CARMIL1: variants seen among roughly 807,000 people sequenced by gnomAD.
CARMIL1 encodes the protein capping protein regulator and myosin 1 linker 1.
CARMIL1 carries 90 observed loss-of-function variants against 177.1 expected under a neutral mutation model. The observed-to-expected ratio is 0.51, with a 90% confidence interval of 0.43 to 0.61. The LOEUF (loss-of-function observed/expected upper bound fraction) is 0.61. Among genes scored for constraint, CARMIL1 ranks in the 20% least tolerant of loss-of-function variants. The pLI is 0.00. For synonymous variants in CARMIL1, 577 were observed against 606.2 expected (o/e 0.95, Z 0.71); for missense variants, 1,380 against 1,667.0 (o/e 0.83, Z 3.00).
intron 2 of CARMIL1, among the ~76,000 whole-genome samples, chr6:25,375,355 G>C (rs947303545): frequency 2.6e-5 from 4 of 152,190 alleles, no homozygotes; most frequent in Non-Finnish European, 5.9e-5. Context: ...GGAGAAGTCT[G>C]CTGTTAGTCT....
intron 2 of CARMIL1, among the ~76,000 whole-genome samples, chr6:25,389,706 G>C (rs1792555485): frequency 6.6e-6 from 1 of 152,134 alleles, no homozygotes; most frequent in South Asian, 2.1e-4. Flanking sequence ...AATTAAGCAG[G>C]GTAAGGCAAG....
At chr6:25,585,914 ACAGAAGAAAATGGAG>A (rs1813604309) in intron 31 of CARMIL1, among the ~76,000 whole-genome samples, 1 of 152,234 alleles carries the variant, frequency 6.6e-6, no homozygotes, top group Non-Finnish European at 1.5e-5. Flanking sequence ...TTTTCTTAGT[ACAGAAGAAAATGGAG>A]TCTCCTATGT....
At chr6:25,564,911 A>G (rs1811425950) in intron 29 of CARMIL1, among the ~76,000 whole-genome samples, 1 of 152,164 alleles carries the variant, frequency 6.6e-6, no homozygotes, top group Non-Finnish European at 1.5e-5. Context: ...ATGGAAGCAC[A>G]GAGAAGTGGT....
At chr6:25,350,217 G>A (rs1179228684) in intron 2 of CARMIL1, among the ~76,000 whole-genome samples, 2 of 152,094 alleles carry the variant, frequency 1.3e-5, no homozygotes, top group East Asian at 1.9e-4. Flanking sequence ...TCCCCTCCAG[G>A]TCTAGGCCTA....
At chr6:25,309,565 G>A (rs1783602805) in intron 2 of CARMIL1, among the ~76,000 whole-genome samples, 1 of 150,960 alleles carries the variant, frequency 6.6e-6, no homozygotes, top group African/African-American at 2.4e-5. Context: ...CTTGGCAACA[G>A]CTAGTCTACT....
chr6:25,328,479 T>A (rs1014937004), intron 2 of CARMIL1, among the ~76,000 whole-genome samples: 9 of 152,198 alleles, frequency 5.9e-5, no homozygotes, highest in African/African-American at 2.2e-4. Context: ...TCCTTTCTAC[T>A]TGGATATATT....
At chr6:25,483,449 A>G (rs1261171733) in intron 12 of CARMIL1, among the ~76,000 whole-genome samples, 1 of 152,154 alleles carries the variant, frequency 6.6e-6, no homozygotes, top group African/African-American at 2.4e-5. Context: ...GAGTTAAATG[A>G]TTTAATATAC....
At chr6:25,571,665 TC>T (rs1422580647) in intron 29 of CARMIL1, among the ~76,000 whole-genome samples, 2 of 152,212 alleles carry the variant, frequency 1.3e-5, no homozygotes, top group Non-Finnish European at 2.9e-5. Flanking sequence ...TCAAGGTCAG[TC>T]TTACCAGTAG....
chr6:25,536,304 C>T (rs1363462616), intron 24 of CARMIL1, among the ~76,000 whole-genome samples: 1 of 152,052 alleles, frequency 6.6e-6, no homozygotes, highest in Non-Finnish European at 1.5e-5. Context: ...TTATAGTTAG[C>T]TCTATGCAGG....
rs146203621 is a variant in CARMIL1 at position 25,591,224 on chromosome 6, A to G, written c.3007-3191A>G. 1.7e-3 allele frequency among the ~76,000 whole-genome samples: 262 copies of G among 152,300 alleles called. 1 individual carries two copies. Among genetic ancestry groups the G allele is most frequent in the African/African-American group, 6.2e-3 (256 of 41,572 alleles). On this transcript the variant is annotated intron_variant, in intron 31 of 36. Transcript: ENST00000329474. ...ACCGCCTACTGTCTTTCCCTGGTGTATTCACTGTAATAATCCTGGCAGAGG... is the reference window on the plus strand; with the variant it reads ...ACCGCCTACTGTCTTTCCCTGGTGTGTTCACTGTAATAATCCTGGCAGAGG...
At chr6:25,538,109 T>A in intron 25 of CARMIL1, 126 bp downstream of exon 25, 3 of 1,017,046 alleles carry the variant, frequency 2.9e-6, no homozygotes, top group Non-Finnish European at 4.2e-6. Flanking sequence ...AGTGGCAAAG[T>A]GAACTGAATT....
chr6:25,532,701 G>T (rs1443739447), intron 24 of CARMIL1, among the ~76,000 whole-genome samples: 2 of 152,136 alleles, frequency 1.3e-5, no homozygotes, highest in Non-Finnish European at 2.9e-5. Context: ...TTTTTGTCTG[G>T]TGACTTTGAT....
chr6:25,521,349 G>A (rs937091761), intron 23 of CARMIL1, among the ~76,000 whole-genome samples: 1 of 150,712 alleles, frequency 6.6e-6, no homozygotes, highest in Non-Finnish European at 1.5e-5. Flanking sequence ...TCACTTTGGG[G>A]TGAGGTTTTA....
chr6:25,404,832 C>T (rs1449458208), intron 2 of CARMIL1, among the ~76,000 whole-genome samples: 7 of 141,452 alleles, frequency 4.9e-5, no homozygotes, highest in Non-Finnish European at 1.1e-4. Context: ...CTGGGGCACC[C>T]GGCCTGTTTC....
chr6:25,390,141 T>A (rs1182047951), intron 2 of CARMIL1, among the ~76,000 whole-genome samples: 1 of 152,010 alleles, frequency 6.6e-6, no homozygotes, highest in Non-Finnish European at 1.5e-5. Flanking sequence ...TCTCATTATT[T>A]GGTGCTATAA....
Position 25,515,615 on chromosome 6 carries a change from G to T in CARMIL1, c.1633-60G>T. The T allele has an allele frequency of 3.4e-6, 5 of 1,485,996 alleles. No homozygotes were observed. The highest frequency in any genetic ancestry group is 4.5e-6 in the Non-Finnish European group (5 of 1,100,066). The allele number at this position is 1,485,996 out of a possible 1,614,324, so 92.1% of individuals were successfully genotyped here. ...CCTCTCATTCTCCACGAAATGCGTC[G>T]TGGAGAGTGGGTGCTGCTTTGATGA... is the stretch of plus-strand genomic sequence containing the variant. On this transcript the variant is annotated intron_variant, in intron 20 of 36. Transcript: ENST00000329474. This position sits in a 1 kb window ranked among gnomAD's most constrained non-coding sequence, Gnocchi z 5.0.
At chr6:25,346,771 T>G (rs1787556424) in intron 2 of CARMIL1, among the ~76,000 whole-genome samples, 2 of 152,202 alleles carry the variant, frequency 1.3e-5, no homozygotes, top group South Asian at 2.1e-4. Context: ...ACTGTAAATC[T>G]GCTTGCCACA....
intron 2 of CARMIL1, among the ~76,000 whole-genome samples, chr6:25,403,304 C>T (rs1333666525): frequency 1.3e-5 from 2 of 152,158 alleles, no homozygotes; most frequent in Non-Finnish European, 2.9e-5. Context: ...GGTCTGACCA[C>T]CTCTCAGCAC....
chr6:25,529,848 G>A (rs953774728), intron 24 of CARMIL1, among the ~76,000 whole-genome samples: 11 of 149,612 alleles, frequency 7.4e-5, no homozygotes, highest in African/African-American at 2.7e-4. Flanking sequence ...AATTAAAATT[G>A]TGATACTGTA....
Sources: gnomAD v4.1 joint callset for allele counts (sites outside exome capture counted in the v4.1 genomes callset) on GRCh38, gnomAD v4.1.1 for gene constraint, Gnocchi (gnomAD v3.1) non-coding constraint, MANE v1.5 for transcripts, NCBI Gene and HGNC (gene_info 2026-07-23, HGNC 2026-07-21) for gene names.